The following NOX4 variants were observed in gnomAD, a reference collection of about 807,000 sequenced individuals.
NOX4 encodes the protein NADPH oxidase 4, also known as kidney oxidase-1.
Under a neutral mutation model 87.6 loss-of-function variants are expected in NOX4, and 69 were observed. That is an observed-to-expected ratio of 0.79 (90% CI 0.65 to 0.96). The LOEUF (loss-of-function observed/expected upper bound fraction) is 0.96. Ranked by LOEUF, NOX4 falls within the 40% of genes least tolerant of loss-of-function variation. The probability of loss-of-function intolerance (pLI) is 0.00; values close to 1 mark genes in which losing one functional copy is unlikely to be tolerated. For synonymous variants in NOX4, 275 were observed against 238.2 expected, an observed-to-expected ratio of 1.15 and a Z score of -1.42; for missense variants, 680 against 681.5, an observed-to-expected ratio of 1.00 and a Z score of 0.02.
chr11:89,441,927 CA>C (rs1944471589), intron 5 of NOX4, among the ~76,000 whole-genome samples: 1 of 139,960 alleles, frequency 7.1e-6, no homozygotes, highest in African/African-American at 2.7e-5. Context: ...AAGTGCTTCA[CA>C]AAATAACATA....
chr11:89,380,003 C>A (rs1489225949), intron 11 of NOX4, among the ~76,000 whole-genome samples: 5 of 152,108 alleles, frequency 3.3e-5, no homozygotes, highest in Non-Finnish European at 7.3e-5. Flanking sequence ...CCCACAACTC[C>A]TTTATCAATC....
chr11:89,551,059 G>T, the NOX4 span, among the ~76,000 whole-genome samples: 3 of 152,174 alleles, frequency 2.0e-5, no homozygotes, highest in Admixed American at 6.5e-5. Context: ...CCCATTGCTT[G>T]TTGGTGTCAG....
At chr11:89,497,468 T>A (rs550414165) in intron 1 of NOX4, among the ~76,000 whole-genome samples, 1 of 152,182 alleles carries the variant, frequency 6.6e-6, no homozygotes, top group Non-Finnish European at 1.5e-5. Flanking sequence ...GAATCCACAT[T>A]AAATAATATG....
At chr11:89,442,020 G>C (rs905860227) in intron 5 of NOX4, among the ~76,000 whole-genome samples, 4 of 144,540 alleles carry the variant, frequency 2.8e-5, no homozygotes, top group Non-Finnish European at 4.5e-5. Context: ...ATATATAATA[G>C]ATATGCCATA....
chr11:89,534,813 A>G, the NOX4 span, among the ~76,000 whole-genome samples: 5 of 152,210 alleles, frequency 3.3e-5, no homozygotes, highest in Non-Finnish European at 7.3e-5. Flanking sequence ...TGGCTGTCGT[A>G]CTGGATTCTC....
intron 17 of NOX4, among the ~76,000 whole-genome samples, chr11:89,330,710 G>GT (rs912459813): frequency 1.6e-4 from 24 of 150,928 alleles, no homozygotes; most frequent in Non-Finnish European, 2.8e-4. Context: ...CCAAATCAAG[G>GT]TAAAAAAAGA....
In NOX4 at chr11:89,419,683, ATAAAT is replaced by A. The variant is rs1366230246; in HGVS notation, c.629+2214_629+2218del. Among the ~76,000 whole-genome samples the A allele has an allele frequency of 9.2e-5, 14 of 151,970 alleles. No homozygotes were observed. In the East Asian group the frequency reaches 1.4e-3, roughly 15 times the overall value. On this transcript the variant is annotated intron_variant, in intron 8 of 17. Transcript: ENST00000263317. ...CTATAGATGCCTACTATTTCTCTGT[ATAAAT>A]TAAAGTCACTTTCTATGACACTTGT...
chr11:89,505,431 AAAGT>A, the NOX4 span, among the ~76,000 whole-genome samples: 142 of 152,038 alleles, frequency 9.3e-4, 1 homozygote, highest in African/African-American at 3.3e-3. Context: ...TTTGCCATTA[AAAGT>A]AAGCGTAACT....
the NOX4 span, among the ~76,000 whole-genome samples, chr11:89,557,565 C>T: frequency 6.6e-6 from 1 of 152,100 alleles, no homozygotes; most frequent in African/African-American, 2.4e-5. Context: ...TAAACATAAA[C>T]AACTGCCAGG....
intron 11 of NOX4, among the ~76,000 whole-genome samples, chr11:89,394,759 T>C (rs1941360411): frequency 6.6e-6 from 1 of 152,132 alleles, no homozygotes; most frequent in Non-Finnish European, 1.5e-5. Context: ...GGTGTTTGCT[T>C]CTCTGTCCTT....
intron 2 of NOX4, among the ~76,000 whole-genome samples, chr11:89,467,283 G>A (rs1299880090): frequency 2.0e-5 from 3 of 147,408 alleles, no homozygotes; most frequent in Non-Finnish European, 4.5e-5. Context: ...CCCGGGAGGT[G>A]GAGCTTGCAG....
At chr11:89,440,667 A>G in intron 6 of NOX4, 21 bp downstream of exon 6, 1 of 1,524,786 alleles carries the variant, frequency 6.6e-7, no homozygotes, top group Non-Finnish European at 8.9e-7. Context: ...CCTAAAGAAA[A>G]GGCTAAGAAT....
chr11:89,448,304 C>A (rs907356866), intron 4 of NOX4, among the ~76,000 whole-genome samples: 13 of 152,130 alleles, frequency 8.5e-5, no homozygotes, highest in African/African-American at 3.1e-4. Context: ...ATAGAACCTA[C>A]GCATGGACTC....
At chr11:89,394,308 A>T (rs181105276) in intron 11 of NOX4, among the ~76,000 whole-genome samples, 2 of 151,674 alleles carry the variant, frequency 1.3e-5, no homozygotes, top group Non-Finnish European at 2.9e-5. Context: ...AGGATTCATT[A>T]TACTATTCTC....
At chr11:89,555,817 T>C in the NOX4 span, among the ~76,000 whole-genome samples, 1 of 152,166 alleles carries the variant, frequency 6.6e-6, no homozygotes, top group Admixed American at 6.5e-5. Flanking sequence ...TTATATGATA[T>C]TTAATAGCTA....
chr11:89,519,931 TTC>T, the NOX4 span, among the ~76,000 whole-genome samples: 1 of 151,748 alleles, frequency 6.6e-6, no homozygotes, highest in Non-Finnish European at 1.5e-5. Context: ...GAAAGCATCA[TTC>T]TCTCTCTCTC....
chr11:89,356,935 G>A (rs1312426868), intron 12 of NOX4, among the ~76,000 whole-genome samples: 1 of 152,138 alleles, frequency 6.6e-6, no homozygotes, highest in Non-Finnish European at 1.5e-5. Flanking sequence ...CCATACTCCT[G>A]TCTTGATACG....
At chr11:89,398,387 T>C (rs189147740) in intron 11 of NOX4, among the ~76,000 whole-genome samples, 1 of 152,058 alleles carries the variant, frequency 6.6e-6, no homozygotes, top group East Asian at 2.0e-4. Context: ...ACTGGAAGCA[T>C]TCCCTTTGAA....
intron 5 of NOX4, 98 bp from the exon 6 acceptor site, chr11:89,440,813 C>A: frequency 3.3e-6 from 2 of 611,368 alleles, no homozygotes; most frequent in Admixed American, 3.5e-5. Flanking sequence ...ACATACTTGT[C>A]ATGTAAAATA....
Sources: gnomAD v4.1 joint callset for allele counts (sites outside exome capture counted in the v4.1 genomes callset) on GRCh38, gnomAD v4.1.1 for gene constraint, MANE v1.5 for transcripts, NCBI Gene and HGNC (gene_info 2026-07-23, HGNC 2026-07-21) for gene names.